Variants in MACROD2 observed in about 807,000 individuals in gnomAD.
The protein encoded by MACROD2 is ADP-ribose glycohydrolase MACROD2.
MACROD2 carries 36 observed loss-of-function variants against 70.4 expected under a neutral mutation model. That is an observed-to-expected ratio of 0.51 (90% CI 0.39 to 0.68). The LOEUF (loss-of-function observed/expected upper bound fraction) is 0.68, where lower values mean the gene tolerates loss of function less well. Among genes scored for constraint, MACROD2 ranks in the 30% least tolerant of loss-of-function variants. The pLI is 0.00. For synonymous variants in MACROD2, 172 were observed against 178.8 expected (o/e 0.96, Z 0.30); for missense variants, 496 against 538.4 (o/e 0.92, Z 0.78).
intron 2 of MACROD2, among the ~76,000 whole-genome samples, chr20:14,073,509 AG>A (rs1469330469): frequency 6.6e-6 from 1 of 152,242 alleles, no homozygotes; most frequent in Non-Finnish European, 1.5e-5. Context: ...ATTGTCCTCA[AG>A]ATAATACTCA....
intron 5 of MACROD2, among the ~76,000 whole-genome samples, chr20:14,835,233 C>G (rs1352103557): frequency 1.3e-5 from 2 of 151,926 alleles, no homozygotes; most frequent in African/African-American, 4.8e-5. Flanking sequence ...CCTCCCTGGA[C>G]AGGTTCAGGA....
intron 8 of MACROD2, among the ~76,000 whole-genome samples, chr20:15,649,571 G>T (rs991055369): frequency 6.6e-6 from 1 of 152,126 alleles, no homozygotes; most frequent in Non-Finnish European, 1.5e-5. Flanking sequence ...AAAGTCCTAA[G>T]CTTTGCCTTA....
intron 15 of MACROD2, among the ~76,000 whole-genome samples, chr20:15,990,580 A>T (rs1257239433): frequency 6.6e-6 from 1 of 152,192 alleles, no homozygotes; most frequent in African/African-American, 2.4e-5. Context: ...GATTGAGCAA[A>T]ATGTTGACAG....
intron 4 of MACROD2, among the ~76,000 whole-genome samples, chr20:14,622,367 A>G (rs1028821378): frequency 2.0e-5 from 3 of 152,136 alleles, no homozygotes; most frequent in African/African-American, 7.2e-5. Flanking sequence ...CTTTTTAAAA[A>G]AAAATGCTGT....
At chr20:14,034,196 G>C (rs528796230) in intron 2 of MACROD2, among the ~76,000 whole-genome samples, 1 of 152,126 alleles carries the variant, frequency 6.6e-6, no homozygotes, top group South Asian at 2.1e-4. Flanking sequence ...GGATGGCTAC[G>C]ATCTCCTGAC....
chr20:14,575,017 CAAAAA>C (rs1195216470), intron 4 of MACROD2, among the ~76,000 whole-genome samples: 7 of 49,956 alleles, frequency 1.4e-4, no homozygotes, highest in African/African-American at 4.4e-4. Flanking sequence ...GACTCTGTCT[CAAAAA>C]AAAAAAAAAA....
chr20:15,401,718 C>A (rs755121718), intron 6 of MACROD2, among the ~76,000 whole-genome samples: 1 of 152,056 alleles, frequency 6.6e-6, no homozygotes, highest in Non-Finnish European at 1.5e-5. Flanking sequence ...AATAAATTAC[C>A]GAGCCTGAAT....
At chr20:15,256,055 G>A (rs576085906) in intron 6 of MACROD2, among the ~76,000 whole-genome samples, 57 of 152,032 alleles carry the variant, frequency 3.7e-4, no homozygotes, top group Middle Eastern at 3.4e-3. Context: ...CTAATGTCAC[G>A]TAGCCAACAC....
intron 8 of MACROD2, among the ~76,000 whole-genome samples, chr20:15,854,853 A>G (rs1420774543): frequency 6.6e-6 from 1 of 152,182 alleles, no homozygotes; most frequent in African/African-American, 2.4e-5. Flanking sequence ...CTGTCTTTGT[A>G]CAAATTTGAT....
chr20:15,312,677 T>G (rs1340725724), intron 6 of MACROD2, among the ~76,000 whole-genome samples: 3 of 152,216 alleles, frequency 2.0e-5, no homozygotes, highest in African/African-American at 7.2e-5. Flanking sequence ...AACATAGCTG[T>G]AAGGATAGAC....
intron 5 of MACROD2, among the ~76,000 whole-genome samples, chr20:14,931,198 A>T (rs2074292658): frequency 6.6e-6 from 1 of 152,100 alleles, no homozygotes; most frequent in Non-Finnish European, 1.5e-5. Context: ...TCCAACAGGG[A>T]TGGCTCGGTA....
At chr20:14,448,168 C>G (rs902370251) in intron 3 of MACROD2, among the ~76,000 whole-genome samples, 1 of 152,050 alleles carries the variant, frequency 6.6e-6, no homozygotes, top group Non-Finnish European at 1.5e-5. Flanking sequence ...GTCAGATTAC[C>G]ACAGTCCAAA....
At chr20:14,336,161 T>C (rs915920974) in intron 3 of MACROD2, among the ~76,000 whole-genome samples, 5 of 152,266 alleles carry the variant, frequency 3.3e-5, no homozygotes, top group Non-Finnish European at 7.4e-5. Context: ...AAGGCATTGC[T>C]ACAGCTGAAG....
intron 3 of MACROD2, among the ~76,000 whole-genome samples, chr20:14,115,221 C>CT (rs144672622): frequency 6.6e-6 from 1 of 151,992 alleles, no homozygotes; most frequent in Non-Finnish European, 1.5e-5. Context: ...GGTTTTCCTC[C>CT]TTTTTTTAAA....
intron 15 of MACROD2, among the ~76,000 whole-genome samples, chr20:15,999,101 T>A (rs1396991807): frequency 6.6e-6 from 1 of 152,116 alleles, no homozygotes. Flanking sequence ...ATTTGATATC[T>A]TTTTTTCTTA....
In MACROD2 at chr20:15,824,668, A is replaced by G. The variant is rs151282861; in HGVS notation, c.646-38077A>G. ...TGGCATGAGGAAGTAAATGATTGGTATAATATTTTGGGGAACAAATATGCA... is the reference window on the plus strand; with the variant it reads ...TGGCATGAGGAAGTAAATGATTGGTGTAATATTTTGGGGAACAAATATGCA... On this transcript the variant is annotated intron_variant, in intron 8 of 17. Coordinates refer to ENST00000684519, the MANE Select transcript of MACROD2 (RefSeq NM_001351661.2). Among the ~76,000 whole-genome samples the G allele has an allele frequency of 6.1e-3, 936 of 152,318 alleles. 7 individuals are homozygous for G. Among genetic ancestry groups the G allele is most frequent in the Non-Finnish European group, 0.011 (744 of 68,024 alleles).
intron 5 of MACROD2, among the ~76,000 whole-genome samples, chr20:14,723,807 G>A (rs1002902687): frequency 5.3e-5 from 8 of 151,900 alleles, no homozygotes; most frequent in Admixed American, 4.6e-4. Context: ...GCATACGTAT[G>A]TGTTAAATGG....
chr20:14,135,046 T>G (rs1199164976), intron 3 of MACROD2, among the ~76,000 whole-genome samples: 5 of 152,120 alleles, frequency 3.3e-5, no homozygotes, highest in African/African-American at 4.8e-5. Context: ...TTTGAAAAAT[T>G]AATATATGAT....
intron 5 of MACROD2, among the ~76,000 whole-genome samples, chr20:14,878,645 C>A (rs1440515878): frequency 1.1e-4 from 16 of 152,082 alleles, no homozygotes; most frequent in Non-Finnish European, 2.1e-4. Context: ...GTCAAAAGAA[C>A]ATTTTCAATT....
Sources: gnomAD v4.1 joint callset for allele counts (sites outside exome capture counted in the v4.1 genomes callset) on GRCh38, gnomAD v4.1.1 for gene constraint, MANE v1.5 for transcripts, NCBI Gene and HGNC (gene_info 2026-07-23, HGNC 2026-07-21) for gene names.